PCLO: variants seen among roughly 807,000 people sequenced by gnomAD.
The protein encoded by PCLO is protein piccolo.
PCLO carries 82 observed loss-of-function variants against 427.5 expected under a neutral mutation model. The ratio of observed to expected loss-of-function variants is 0.19; its 90% CI spans 0.16 to 0.23. PCLO has a LOEUF of 0.23. Among genes scored for constraint, PCLO ranks in the 10% least tolerant of loss-of-function variants. The pLI, the probability that PCLO is intolerant of heterozygous loss-of-function variation, is 1.00. For missense variants in PCLO, 6,239 were observed against 6,115.9 expected (o/e 1.02, Z -0.67); for synonymous variants, 2,357 against 2,155.4 (o/e 1.09, Z -2.59).
chr7:83,063,228 A>G (rs1789582839), intron 3 of PCLO, among the ~76,000 whole-genome samples: 1 of 152,118 alleles, frequency 6.6e-6, no homozygotes, highest in South Asian at 2.1e-4. Context: ...GCTTCTTCTT[A>G]TAATTACTAC....
chr7:82,788,841 T>G (rs1250673962), intron 22 of PCLO, among the ~76,000 whole-genome samples: 2 of 151,482 alleles, frequency 1.3e-5, no homozygotes, highest in Admixed American at 1.3e-4. Flanking sequence ...TGTTTGCCGT[T>G]GTAACAATTC....
In PCLO at chr7:82,955,372, G is replaced by A. The variant is rs746282312; in HGVS notation, c.5581C>T (p.Pro1861Ser). The change falls in exon 5 of 25, where the codon CCT becomes TCT. Residue 1861 changes from proline (P) to serine (S), a missense_variant. By Grantham distance (74) the Pro-to-Ser change is moderately conservative. This residue lies in a region of PCLO where 4,677 missense variants were observed against 4,468.4 expected (regional missense o/e 1.05). Coordinates refer to ENST00000333891, the MANE Select transcript of PCLO (RefSeq NM_033026.6). ...LHRSSCSEYS[P>S]SIESDPEGFE... is the part of the protein sequence containing the mutation. ...CCTTCTGGGTCTGACTCTATGCTAG[G>A]TGAATATTCAGAACAAGAAGATCTA... 3 of 1,613,730 alleles carry A rather than the reference G, an allele frequency of 1.9e-6. No individual in the cohort carries two copies. Among genetic ancestry groups the A allele is most frequent in the Admixed American group, 1.7e-5 (1 of 59,996 alleles).
chr7:82,985,773 T>C (rs1796243334), intron 3 of PCLO, among the ~76,000 whole-genome samples: 1 of 151,968 alleles, frequency 6.6e-6, no homozygotes, highest in African/African-American at 2.4e-5. Flanking sequence ...AAGTCGAGAC[T>C]TTTTATTTAT....
chr7:83,038,083 ATC>A lies in PCLO; in HGVS notation c.3301-71598_3301-71597del, dbSNP rs1491529816. ...TATATATTTATATATTTATATATAT[ATC>A]TTTATATATATATATTTATATATGT... On this transcript the variant is annotated intron_variant, in intron 3 of 24. Transcript: ENST00000333891. Among the ~76,000 whole-genome samples the A allele has an allele frequency of 7.6e-4, 58 of 76,006 alleles. 5 individuals are homozygous for A. The highest frequency in any genetic ancestry group is 2.5e-3 in the African/African-American group (52 of 20,780). 49.9% of individuals were successfully genotyped at this position (76,006 alleles called of 152,430 possible).
intron 3 of PCLO, among the ~76,000 whole-genome samples, chr7:82,990,522 A>G (rs1440673710): frequency 6.6e-6 from 1 of 152,144 alleles, no homozygotes. Flanking sequence ...GAGATAATGA[A>G]TGGGACTCAA....
intron 2 of PCLO, among the ~76,000 whole-genome samples, chr7:83,137,113 T>C (rs559881936): frequency 3.9e-5 from 6 of 152,280 alleles, no homozygotes; most frequent in Non-Finnish European, 7.4e-5. Context: ...CCAGACAAAT[T>C]TCCCACAGTA....
chr7:82,826,639 C>G lies in PCLO; in HGVS notation c.14365G>C (p.Val4789Leu). 1 of 1,605,910 alleles carries G rather than the reference C, an allele frequency of 6.2e-7. No individual in the cohort carries two copies. Among genetic ancestry groups the G allele is most frequent in the East Asian group, 2.2e-5 (1 of 44,460 alleles). The change falls in exon 18 of 25, where the codon GTG (valine) becomes CTG (leucine). Residue 4789 changes from valine to leucine, a missense_variant. This residue lies in a region of PCLO where 877 missense variants were observed against 925.5 expected (regional missense o/e 0.95). Transcript: ENST00000333891. Reference protein sequence around the residue: ...MEQLKKKTLEVTVWDYDRFSS... With the variant: ...MEQLKKKTLELTVWDYDRFSS... ...AATCTATCATAATCCCAAACTGTCA[C>G]CTCCAGTGTTTTCTTCTTGAGCTAT...
rs563483685 is a variant in PCLO at position 83,040,947 on chromosome 7, A to T, written c.3301-74460T>A. ...ATTTTTTGTCAATTAAAAATAAAAA[A>T]TTTTAAAAGGATAATTGTGAATAGT... is the stretch of plus-strand genomic sequence containing the variant. On this transcript the variant is annotated intron_variant, in intron 3 of 24. Coordinates refer to ENST00000333891, the MANE Select transcript of PCLO (RefSeq NM_033026.6). 3.3e-5 allele frequency among the ~76,000 whole-genome samples: 5 copies of T among 152,310 alleles called. No individual in the cohort carries two copies. The East Asian group carries it at 9.6e-4, about 29-fold the overall frequency.
intron 3 of PCLO, among the ~76,000 whole-genome samples, chr7:83,119,132 C>G (rs1319242117): frequency 6.6e-6 from 1 of 152,156 alleles, no homozygotes; most frequent in Non-Finnish European, 1.5e-5. Context: ...GGATTCACTA[C>G]TTGCCAAATA....
intron 2 of PCLO, among the ~76,000 whole-genome samples, chr7:83,151,694 T>C (rs1434198956): frequency 1.3e-5 from 2 of 152,216 alleles, no homozygotes; most frequent in Non-Finnish European, 2.9e-5. Flanking sequence ...ATAGCTGTAA[T>C]ATCCCCCACT....
chr7:83,152,025 C>T (rs374575012), intron 2 of PCLO, among the ~76,000 whole-genome samples: 14 of 151,470 alleles, frequency 9.2e-5, no homozygotes, highest in Admixed American at 3.3e-4. Flanking sequence ...AATGCAGTGG[C>T]GTGATCTTGG....
rs1789029541 is a variant in PCLO at position 83,043,818 on chromosome 7, T to C, written c.3301-77331A>G. Among the ~76,000 whole-genome samples, 3 of 152,018 alleles carry C rather than the reference T, an allele frequency of 2.0e-5. No homozygotes were observed. The South Asian group carries it at 6.2e-4, about 32-fold the overall frequency. On this transcript the variant is annotated intron_variant, in intron 3 of 24. Transcript: ENST00000333891. ...ATACAAAGCCATTTTTAATTAATGG[T>C]TTACTTTCCAATTATAGAAGAGAAA...
intron 3 of PCLO, 37 bp downstream of exon 3, chr7:83,134,213 T>A: frequency 1.9e-6 from 1 of 519,488 alleles, no homozygotes; most frequent in Non-Finnish European, 2.5e-6. Context: ...CTCACCTCCA[T>A]ATGTAATATA....
chr7:82,875,253 T>C (rs559964618), intron 10 of PCLO, among the ~76,000 whole-genome samples: 15 of 152,112 alleles, frequency 9.9e-5, no homozygotes, highest in Admixed American at 4.6e-4. Context: ...TTTTTAATAG[T>C]AAAGTTCTTG....
At chr7:82,802,735 G>A (rs1029942232) in intron 21 of PCLO, among the ~76,000 whole-genome samples, 1 of 152,076 alleles carries the variant, frequency 6.6e-6, no homozygotes, top group Admixed American at 6.5e-5. Context: ...GAAGTATTTG[G>A]TTTGCTAGAC....
chr7:82,892,444 G>T (rs955329790), intron 9 of PCLO, among the ~76,000 whole-genome samples: 19 of 152,052 alleles, frequency 1.2e-4, no homozygotes, highest in African/African-American at 3.4e-4. Context: ...GATTAAAGAC[G>T]TGCATGTTAG....
At chr7:82,812,133 TCA>T (rs1791585521) in intron 20 of PCLO, among the ~76,000 whole-genome samples, 1 of 151,488 alleles carries the variant, frequency 6.6e-6, no homozygotes, top group East Asian at 1.9e-4. Flanking sequence ...TCTCGTATAT[TCA>T]CAGTTTTCTC....
At chr7:83,106,902 A>G (rs1790872049) in intron 3 of PCLO, among the ~76,000 whole-genome samples, 1 of 152,130 alleles carries the variant, frequency 6.6e-6, no homozygotes, top group South Asian at 2.1e-4. Context: ...TCTCTCTAGT[A>G]AGAAAAATAT....
At chr7:82,963,456 T>TC in intron 4 of PCLO, among the ~76,000 whole-genome samples, 1 of 151,242 alleles carries the variant, frequency 6.6e-6, no homozygotes, top group Admixed American at 6.6e-5. Context: ...AATCCACACT[T>TC]AAAAAAAAAG....
Sources: gnomAD v4.1 joint callset for allele counts (sites outside exome capture counted in the v4.1 genomes callset) on GRCh38, gnomAD v4.1.1 for gene constraint, gnomAD v4.1.1 regional missense constraint, MANE v1.5 for transcripts, NCBI Gene and HGNC (gene_info 2026-07-23, HGNC 2026-07-21) for gene names.